The following PGAP1 variants were observed in gnomAD, a reference collection of about 807,000 sequenced individuals.
PGAP1 encodes the protein post-GPI attachment to proteins inositol deacylase 1.
PGAP1 carries 76 observed loss-of-function variants against 127.0 expected under a neutral mutation model. That is an observed-to-expected ratio of 0.60 (90% CI 0.50 to 0.72). The LOEUF (loss-of-function observed/expected upper bound fraction) is 0.72. Ranked by LOEUF, PGAP1 falls within the 30% of genes least tolerant of loss-of-function variation. The pLI is 0.00. For synonymous variants in PGAP1, 362 were observed against 366.5 expected (o/e 0.99, Z 0.14); for missense variants, 982 against 1,071.3 (o/e 0.92, Z 1.16).
rs1325799543 is a variant in PGAP1 at position 196,833,099 on chromosome 2, A to C, written c.*8135T>G. ...AAAAATTACTACACATTAATACCTGAGCAGAGACTGAAGGCAAATATTCAT... is the reference window on the plus strand; with the variant it reads ...AAAAATTACTACACATTAATACCTGCGCAGAGACTGAAGGCAAATATTCAT... On this transcript the variant is annotated 3_prime_UTR_variant, in exon 27 of 27. Coordinates refer to ENST00000354764, the MANE Select transcript of PGAP1 (RefSeq NM_024989.4). The C allele has an allele frequency of 1.3e-5, 2 of 152,610 alleles. No individual in the cohort carries two copies. The highest frequency in any genetic ancestry group is 4.8e-5 in the African/African-American group (2 of 41,456). The allele number at this position is 152,610 out of a possible 1,614,324, so 9.5% of individuals were successfully genotyped here.
At chr2:196,886,913 G>A (rs993857417) in intron 10 of PGAP1, among the ~76,000 whole-genome samples, 1 of 151,796 alleles carries the variant, frequency 6.6e-6, no homozygotes, top group African/African-American at 2.4e-5. Flanking sequence ...GGCCAGGATG[G>A]TCTCCATCTC....
chr2:196,851,070 T>C (rs575706253), intron 20 of PGAP1, among the ~76,000 whole-genome samples: 8 of 152,054 alleles, frequency 5.3e-5, no homozygotes, highest in African/African-American at 1.9e-4. Context: ...GAAAAAGAGA[T>C]GGAGAACAGA....
intron 20 of PGAP1, among the ~76,000 whole-genome samples, chr2:196,852,862 A>G (rs778184634): frequency 2.0e-5 from 3 of 152,180 alleles, no homozygotes; most frequent in Non-Finnish European, 2.9e-5. Flanking sequence ...CAGAAAGGCT[A>G]AGCATGTTAT....
intron 5 of PGAP1, among the ~76,000 whole-genome samples, chr2:196,898,894 T>A (rs1432257858): frequency 6.6e-6 from 1 of 151,722 alleles, no homozygotes; most frequent in Non-Finnish European, 1.5e-5. Flanking sequence ...CAAATCTGAC[T>A]TTCCCAAGCG....
At chr2:196,849,403 A>G (rs1230813569) in intron 20 of PGAP1, among the ~76,000 whole-genome samples, 2 of 150,752 alleles carry the variant, frequency 1.3e-5, no homozygotes, top group Non-Finnish European at 3.0e-5. Flanking sequence ...AGCTGGGACT[A>G]CAGGCACGTG....
At chr2:196,892,835 A>G (rs1294635263) in intron 8 of PGAP1, among the ~76,000 whole-genome samples, 1 of 152,132 alleles carries the variant, frequency 6.6e-6, no homozygotes, top group Non-Finnish European at 1.5e-5. Flanking sequence ...GTCAAGAATA[A>G]TATGGCACTT....
rs371677240 is a variant in PGAP1 at position 196,893,287 on chromosome 2, T to C, written c.928-42A>G. 10 of 1,052,202 alleles carry C rather than the reference T, an allele frequency of 9.5e-6. No individual in the cohort carries two copies. The African/African-American group carries it at 1.4e-4, about 15-fold the overall frequency. The allele number at this position is 1,052,202 out of a possible 1,614,324, so 65.2% of individuals were successfully genotyped here. A position where few individuals can be genotyped will look rare whatever the true frequency, so the allele number is the denominator to read the frequency against. On this transcript the variant is annotated intron_variant, in intron 7 of 26. Coordinates refer to ENST00000354764, the MANE Select transcript of PGAP1 (RefSeq NM_024989.4). Reference sequence around the variant, plus strand: ...TACATTCTGTATCATTTTGTATCTATTGTAATAGCTTGATGAAACATTGCT... The same window carrying C: ...TACATTCTGTATCATTTTGTATCTACTGTAATAGCTTGATGAAACATTGCT...
intron 10 of PGAP1, among the ~76,000 whole-genome samples, chr2:196,890,398 T>C (rs536031111): frequency 1.3e-5 from 2 of 152,356 alleles, no homozygotes; most frequent in East Asian, 1.9e-4. Context: ...TACTCTACTA[T>C]CTTAGAGAAT....
At chr2:196,860,203 A>C (rs1046049659) in intron 20 of PGAP1, among the ~76,000 whole-genome samples, 1 of 152,162 alleles carries the variant, frequency 6.6e-6, no homozygotes, top group Non-Finnish European at 1.5e-5. Flanking sequence ...AAAAATCAGT[A>C]ACTTTCTATA....
In PGAP1 at chr2:196,842,768, C is replaced by A. The variant is rs140965495; in HGVS notation, c.2583G>T (p.Pro861=). Residue 861 remains proline, a synonymous_variant, in exon 26 of 27, where the codon CCG becomes CCT. Coordinates refer to ENST00000354764, the MANE Select transcript of PGAP1 (RefSeq NM_024989.4). ...PCKPLAFILI[P]TMAILGNTYT... ...AAGTATTTCCAAGAATTGCCATAGT[C>A]GGAATAAGGATAAATGCCAAAGGTT... 1 of 1,584,954 alleles carries A rather than the reference C, an allele frequency of 6.3e-7. No homozygotes were observed. The highest frequency in any genetic ancestry group is 1.4e-5 in the African/African-American group (1 of 73,760).
At chr2:196,914,004 G>A (rs1025807857) in intron 3 of PGAP1, among the ~76,000 whole-genome samples, 10 of 152,178 alleles carry the variant, frequency 6.6e-5, no homozygotes, top group African/African-American at 2.4e-4. Context: ...AGCTTCCCTT[G>A]TGGACACTAT....
At chr2:196,911,698 C>A (rs1017845261) in intron 4 of PGAP1, among the ~76,000 whole-genome samples, 2 of 146,166 alleles carry the variant, frequency 1.4e-5, no homozygotes, top group African/African-American at 2.5e-5. Flanking sequence ...AGAAAGAATT[C>A]TTTCTAAAGA....
intron 2 of PGAP1, among the ~76,000 whole-genome samples, chr2:196,917,723 T>C (rs1304117585): frequency 3.3e-5 from 5 of 152,218 alleles, no homozygotes; most frequent in African/African-American, 4.8e-5. Flanking sequence ...ATGTCATATT[T>C]GATTCATCTA....
chr2:196,886,411 T>C (rs1035181146), intron 10 of PGAP1, among the ~76,000 whole-genome samples: 1 of 152,056 alleles, frequency 6.6e-6, no homozygotes, highest in Non-Finnish European at 1.5e-5. Flanking sequence ...TCTGCCCGCC[T>C]CGGCCTTCCA....
intron 19 of PGAP1, among the ~76,000 whole-genome samples, chr2:196,870,735 G>C: frequency 6.6e-6 from 1 of 152,068 alleles, no homozygotes; most frequent in South Asian, 2.1e-4. Flanking sequence ...ATAATTTTTG[G>C]ATTTTATTCA....
rs372130706 is a variant in PGAP1 at position 196,864,965 on chromosome 2, T to G, written c.1861+22A>C. 4.4e-6 allele frequency: 6 copies of G among 1,375,352 alleles called. No homozygotes were observed. In the African/African-American group the frequency reaches 9.0e-5, roughly 21 times the overall value. The allele number at this position is 1,375,352 out of a possible 1,614,324, so 85.2% of individuals were successfully genotyped here. The stretch of plus-strand genomic sequence containing the variant: ...TTTAATATTCATAACAAAAGTAACT[T>G]AAAAATTAGAAGCATTCTTACCTGT... On this transcript the variant is annotated intron_variant, in intron 20 of 26. Coordinates refer to ENST00000354764, the MANE Select transcript of PGAP1 (RefSeq NM_024989.4).
intron 10 of PGAP1, among the ~76,000 whole-genome samples, chr2:196,890,054 C>T (rs1360723151): frequency 1.3e-5 from 2 of 151,816 alleles, no homozygotes; most frequent in African/African-American, 4.8e-5. Context: ...CTTCCCCAGC[C>T]CCCCAAGTAG....
At position 196,836,846 on chromosome 2, in the gene PGAP1, T is replaced by C. The variant is rs1275750457; in HGVS notation, c.*4388A>G. 1 of 152,236 alleles carries C rather than the reference T, an allele frequency of 6.6e-6. No individual in the cohort carries two copies. The highest frequency in any genetic ancestry group is 1.5e-5 in the Non-Finnish European group (1 of 68,036). The allele number at this position is 152,236 out of a possible 1,614,324, so 9.4% of individuals were successfully genotyped here. On this transcript the variant is annotated 3_prime_UTR_variant, in exon 27 of 27. Coordinates refer to ENST00000354764, the MANE Select transcript of PGAP1 (RefSeq NM_024989.4). Reference sequence around the variant, plus strand: ...TGCTTTCTTATCCTGGCAAATGTCATGCACTCCAAATGGATTTTCCCCAGT... The same window carrying C: ...TGCTTTCTTATCCTGGCAAATGTCACGCACTCCAAATGGATTTTCCCCAGT...
At chr2:196,885,506 G>A in intron 11 of PGAP1, 31 bp from the exon 12 acceptor site, 1 of 1,445,386 alleles carries the variant, frequency 6.9e-7, no homozygotes, top group Non-Finnish European at 9.6e-7. Context: ...TATAATTAAA[G>A]GACAAATATA....
Sources: allele counts gnomAD v4.1 joint callset (sites outside exome capture counted in the v4.1 genomes callset), GRCh38; gene constraint gnomAD v4.1.1; transcripts MANE v1.5; gene names NCBI Gene and HGNC (gene_info 2026-07-23, HGNC 2026-07-21).